The following GPC5 variants were observed in gnomAD, a reference collection of about 807,000 sequenced individuals.
The protein encoded by GPC5 is glypican-5.
GPC5 carries 47 observed loss-of-function variants against 53.9 expected under a neutral mutation model. The observed-to-expected ratio is 0.87, with a 90% CI of 0.69 to 1.11. GPC5 has a LOEUF of 1.11. Among genes scored for constraint, GPC5 ranks in the 50% most tolerant of loss-of-function variants. GPC5 has a pLI of 0.00. For synonymous variants in GPC5, 286 were observed against 263.3 expected, an observed-to-expected ratio of 1.09 and a Z score of -0.84; for missense variants, 748 against 713.1, an observed-to-expected ratio of 1.05 and a Z score of -0.56.
intron 6 of GPC5, among the ~76,000 whole-genome samples, chr13:91,971,827 G>C (rs1176191604): frequency 1.3e-5 from 2 of 152,202 alleles, no homozygotes; most frequent in Non-Finnish European, 2.9e-5. Flanking sequence ...TGTGGTCTGA[G>C]AGACAGTTTG....
intron 1 of GPC5, among the ~76,000 whole-genome samples, chr13:91,415,260 T>C (rs1228307708): frequency 6.6e-6 from 1 of 152,120 alleles, no homozygotes; most frequent in Non-Finnish European, 1.5e-5. Flanking sequence ...GTAAAAGTGG[T>C]GAATCCCCAA....
At chr13:91,772,335 T>A (rs1052792115) in intron 5 of GPC5, among the ~76,000 whole-genome samples, 1 of 152,120 alleles carries the variant, frequency 6.6e-6, no homozygotes, top group Non-Finnish European at 1.5e-5. Flanking sequence ...ATTAAGTTAA[T>A]CCCACATACT....
intron 7 of GPC5, among the ~76,000 whole-genome samples, chr13:92,161,546 C>T (rs1566462830): frequency 6.6e-6 from 1 of 152,022 alleles, no homozygotes; most frequent in Non-Finnish European, 1.5e-5. Flanking sequence ...TTCAAAAGAT[C>T]AAAACTGAGT....
At chr13:92,487,600 T>A (rs966818089) in intron 7 of GPC5, among the ~76,000 whole-genome samples, 2 of 152,154 alleles carry the variant, frequency 1.3e-5, no homozygotes, top group Admixed American at 6.5e-5. Context: ...ATGATTTTTA[T>A]CATTGAACAG....
At chr13:92,100,878 C>T (rs913833621) in intron 6 of GPC5, among the ~76,000 whole-genome samples, 9 of 152,202 alleles carry the variant, frequency 5.9e-5, no homozygotes, top group Admixed American at 3.3e-4. Context: ...TCATGCTCCA[C>T]TTACAGACAT....
At chr13:92,498,614 G>A (rs975814344) in intron 7 of GPC5, among the ~76,000 whole-genome samples, 1 of 152,096 alleles carries the variant, frequency 6.6e-6, no homozygotes, top group Non-Finnish European at 1.5e-5. Flanking sequence ...ATGGTCACCT[G>A]ACATTCCTGG....
chr13:92,795,038 A>G (rs1421939562), intron 7 of GPC5, among the ~76,000 whole-genome samples: 3 of 152,174 alleles, frequency 2.0e-5, no homozygotes. Context: ...AAACTACTTT[A>G]AAGTTCATAT....
chr13:92,432,832 GT>G (rs2139376192), intron 7 of GPC5, among the ~76,000 whole-genome samples: 1 of 152,066 alleles, frequency 6.6e-6, no homozygotes, highest in East Asian at 1.9e-4. Context: ...AATGAGTTGG[GT>G]TTCTTTTCCT....
intron 6 of GPC5, among the ~76,000 whole-genome samples, chr13:92,118,114 C>G (rs376490639): frequency 6.6e-6 from 1 of 151,990 alleles, no homozygotes; most frequent in Non-Finnish European, 1.5e-5. Flanking sequence ...TGTAGATGCC[C>G]TGTATCAGGT....
At chr13:92,081,363 A>G (rs561338251) in intron 6 of GPC5, among the ~76,000 whole-genome samples, 10 of 152,312 alleles carry the variant, frequency 6.6e-5, no homozygotes, top group Non-Finnish European at 1.2e-4. Context: ...TGGACTCCCA[A>G]AGTGCTGGGA....
intron 7 of GPC5, among the ~76,000 whole-genome samples, chr13:92,252,368 G>C (rs2042698407): frequency 6.6e-6 from 1 of 152,086 alleles, no homozygotes; most frequent in African/African-American, 2.4e-5. Context: ...ACACATGTGA[G>C]AAAGAAGCTC....
At chr13:91,543,980 A>T (rs1327819660) in intron 2 of GPC5, among the ~76,000 whole-genome samples, 2 of 152,210 alleles carry the variant, frequency 1.3e-5, no homozygotes, top group African/African-American at 4.8e-5. Context: ...ATCACTTAAT[A>T]TAAACTTGCT....
intron 2 of GPC5, among the ~76,000 whole-genome samples, chr13:91,657,832 A>G (rs1332110541): frequency 6.6e-6 from 1 of 152,158 alleles, no homozygotes; most frequent in African/African-American, 2.4e-5. Context: ...AGAAAGACTC[A>G]GTTACGCATA....
chr13:92,853,429 G>T (rs1282180175), intron 7 of GPC5, among the ~76,000 whole-genome samples: 5 of 152,082 alleles, frequency 3.3e-5, no homozygotes, highest in African/African-American at 1.2e-4. Flanking sequence ...AGATATATAG[G>T]ATATATAGGG....
At chr13:91,475,010 A>T in intron 2 of GPC5, among the ~76,000 whole-genome samples, 1 of 152,220 alleles carries the variant, frequency 6.6e-6, no homozygotes, top group East Asian at 1.9e-4. Flanking sequence ...GATATAGAAT[A>T]AAAGGGTTGT....
intron 6 of GPC5, among the ~76,000 whole-genome samples, chr13:91,914,370 T>A (rs1345757255): frequency 6.6e-6 from 1 of 152,160 alleles, no homozygotes; most frequent in Non-Finnish European, 1.5e-5. Flanking sequence ...TTTTATTTCC[T>A]TAAACCTAAC....
At chr13:92,474,242 C>T (rs1879016773) in intron 7 of GPC5, among the ~76,000 whole-genome samples, 2 of 151,666 alleles carry the variant, frequency 1.3e-5, no homozygotes, top group Admixed American at 1.3e-4. Flanking sequence ...TTTATATTGA[C>T]CATGGTTTAA....
chr13:91,609,621 G>T (rs141759697), intron 2 of GPC5, among the ~76,000 whole-genome samples: 1,677 of 152,312 alleles, frequency 0.011, 24 homozygotes, highest in Middle Eastern at 0.034. Flanking sequence ...ATTACTCACA[G>T]ATAGGCAGTG....
chr13:91,843,403 T>A (rs1207822030), intron 5 of GPC5, among the ~76,000 whole-genome samples: 3 of 152,128 alleles, frequency 2.0e-5, no homozygotes, highest in Admixed American at 2.0e-4. Flanking sequence ...ATGTGAAGGA[T>A]CAGGGACACT....
Sources: allele counts gnomAD v4.1 joint callset (sites outside exome capture counted in the v4.1 genomes callset), GRCh38; gene constraint gnomAD v4.1.1; transcripts MANE v1.5; gene names NCBI Gene and HGNC (gene_info 2026-07-23, HGNC 2026-07-21).